Variants in PTPRA observed in about 807,000 individuals in gnomAD.
The protein encoded by PTPRA is protein tyrosine phosphatase receptor type A.
PTPRA carries 25 observed loss-of-function variants against 104.8 expected under a neutral mutation model. That is an observed-to-expected ratio of 0.24 (90% CI 0.17 to 0.33). PTPRA has a LOEUF of 0.33. Ranked by LOEUF, PTPRA falls within the 10% of genes least tolerant of loss-of-function variation. The pLI is 1.00. For missense variants in PTPRA, 765 were observed against 1,015.3 expected, an observed-to-expected ratio of 0.75 and a Z score of 3.35; for synonymous variants, 323 against 368.9, an observed-to-expected ratio of 0.88 and a Z score of 1.43.
chr20:2,955,734 A>T (rs1435092863), intron 3 of PTPRA: 1 of 894,746 alleles, frequency 1.1e-6, no homozygotes, highest in African/African-American at 1.8e-5. Context: ...GCACCCACCT[A>T]CTCCTGCCTA....
chr20:2,865,357 C>T, the PTPRA span: 1 of 1,613,934 alleles, frequency 6.2e-7, no homozygotes, highest in Non-Finnish European at 8.5e-7. This position sits in a 1 kb window ranked among gnomAD's most constrained non-coding sequence, Gnocchi z 5.2. Flanking sequence ...CCCAGGACCA[C>T]CTGCCTCTCC....
At chr20:3,027,434 C>T (rs1568707031) in intron 19 of PTPRA, among the ~76,000 whole-genome samples, 1 of 152,220 alleles carries the variant, frequency 6.6e-6, no homozygotes, top group Non-Finnish European at 1.5e-5. Context: ...AAAAAGTTCA[C>T]AGAGCAGACC....
intron 11 of PTPRA, among the ~76,000 whole-genome samples, chr20:3,009,209 C>T (rs2064035585): frequency 1.3e-5 from 2 of 151,432 alleles, no homozygotes; most frequent in African/African-American, 4.9e-5. Context: ...GAAAAGGATA[C>T]CAAAGAGAGA....
intron 1 of PTPRA, among the ~76,000 whole-genome samples, chr20:2,913,050 C>T (rs1378070551): frequency 6.6e-6 from 1 of 151,726 alleles, no homozygotes; most frequent in Non-Finnish European, 1.5e-5. Flanking sequence ...GAGAGTGAGC[C>T]CCATCAGCCC....
intron 9 of PTPRA, among the ~76,000 whole-genome samples, chr20:3,001,767 G>A (rs1292813260): frequency 6.6e-6 from 1 of 152,126 alleles, no homozygotes; most frequent in African/African-American, 2.4e-5. Flanking sequence ...AAAATAACAT[G>A]CAGAACCTCC....
intron 3 of PTPRA, among the ~76,000 whole-genome samples, chr20:2,963,787 A>T (rs972416940): frequency 5.9e-5 from 9 of 152,154 alleles, no homozygotes; most frequent in Non-Finnish European, 1.2e-4. Context: ...ACCTGTAATC[A>T]TAGCACTTTG....
chr20:2,866,750 A>T, the PTPRA span: 31 of 959,416 alleles, frequency 3.2e-5, 1 homozygote, highest in Non-Finnish European at 4.5e-5. Context: ...TGTCTTACAC[A>T]GTCCAGCCTA....
At chr20:3,031,428 C>T (rs759135640) in intron 20 of PTPRA, among the ~76,000 whole-genome samples, 6 of 152,028 alleles carry the variant, frequency 3.9e-5, no homozygotes, top group Non-Finnish European at 7.4e-5. Context: ...GTCCCTCACC[C>T]ACTGATGACT....
In PTPRA at chr20:3,026,744, A is replaced by G; in HGVS notation, c.1672A>G (p.Asn558Asp). The G allele has an allele frequency of 1.2e-6, 2 of 1,613,396 alleles. No individual in the cohort carries two copies. Among genetic ancestry groups the G allele is most frequent in the Non-Finnish European group, 1.7e-6 (2 of 1,179,310 alleles). ...DKMRTGNLPA[N>D]MKKNRVLQII... ...GATGCGGACTGGAAACCTTCCAGCC[A>G]ACATGAAGAAGAACCGTGTTTTACA... Residue 558 changes from asparagine to aspartate, a missense_variant, in exon 18 of 24, where the codon AAC (asparagine) becomes GAC (aspartate). Physicochemically the swap from Asn to Asp is conservative, Grantham distance 23. This residue lies in a region of PTPRA where 192 missense variants were observed against 227.0 expected (regional missense o/e 0.85). Coordinates refer to ENST00000399903, the MANE Select transcript of PTPRA (RefSeq NM_001385305.1).
intron 9 of PTPRA, among the ~76,000 whole-genome samples, chr20:2,989,206 G>A (rs567240131): frequency 7.2e-5 from 11 of 152,266 alleles, no homozygotes; most frequent in Admixed American, 4.6e-4. Context: ...AGGCTGAGGC[G>A]GGCACATCAC....
intron 11 of PTPRA, among the ~76,000 whole-genome samples, chr20:3,015,569 G>A (rs2064400785): frequency 6.6e-6 from 1 of 152,098 alleles, no homozygotes; most frequent in Admixed American, 6.5e-5. Flanking sequence ...GCCTCTCAAA[G>A]TTCTGGGATT....
chr20:3,038,049 C>T lies in PTPRA; in HGVS notation c.2335-10C>T. 1 of 1,604,966 alleles carries T rather than the reference C, an allele frequency of 6.2e-7. No individual in the cohort carries two copies. The highest frequency in any genetic ancestry group is 8.5e-7 in the Non-Finnish European group (1 of 1,172,342). On this transcript the variant is annotated splice_polypyrimidine_tract_variant and intron_variant, in intron 23 of 23. Coordinates refer to ENST00000399903, the MANE Select transcript of PTPRA (RefSeq NM_001385305.1). ...TAACCCTGACTTTTTCCCTACCTTT[C>T]ACTCTCCAGGAACAGTATGAGTTCT...
chr20:2,882,062 C>T (rs2090083853), intron 1 of PTPRA, among the ~76,000 whole-genome samples: 1 of 152,084 alleles, frequency 6.6e-6, no homozygotes, highest in South Asian at 2.1e-4. Context: ...GCCCCACCCC[C>T]AAAAGGCCCA....
chr20:3,019,488 A>G (rs1269777846), intron 13 of PTPRA, among the ~76,000 whole-genome samples: 2 of 149,870 alleles, frequency 1.3e-5, no homozygotes, highest in Admixed American at 6.6e-5. Flanking sequence ...GCGGCAGGGC[A>G]GAGGTGCTCC....
intron 2 of PTPRA, among the ~76,000 whole-genome samples, chr20:2,945,825 A>G (rs1315257272): frequency 6.6e-6 from 1 of 151,756 alleles, no homozygotes; most frequent in African/African-American, 2.4e-5. Context: ...GCTACTCGAG[A>G]GGCTGCGGCA....
At chr20:2,889,827 TAA>T (rs1405913482) in intron 1 of PTPRA, among the ~76,000 whole-genome samples, 1 of 152,124 alleles carries the variant, frequency 6.6e-6, no homozygotes, top group Non-Finnish European at 1.5e-5. Flanking sequence ...TTCCTTATGT[TAA>T]GAGTCCTGAA....
chr20:2,935,697 A>T (rs528257799), intron 2 of PTPRA, among the ~76,000 whole-genome samples: 3 of 152,274 alleles, frequency 2.0e-5, no homozygotes, highest in African/African-American at 4.8e-5. Flanking sequence ...GGCACATGCC[A>T]CTATAGTCAG....
rs11473273 is a variant in PTPRA at position 2,969,995 on chromosome 20, A to AATAAATAAATAG, written c.415+4793_415+4794insATAAATAAATAG. ...TAAATAAATAATAAATAAATAAATA[A>AATAAATAAATAG]CTCCTTTTACAAAAGCATATATATT... On this transcript the variant is annotated intron_variant, in intron 5 of 23. Transcript: ENST00000399903. Among the ~76,000 whole-genome samples, 8 of 150,090 alleles carry AATAAATAAATAG rather than the reference A, an allele frequency of 5.3e-5. No individual in the cohort carries two copies. The South Asian group carries it at 1.3e-3, about 24-fold the overall frequency.
chr20:2,889,966 C>G (rs1404306953), intron 1 of PTPRA, among the ~76,000 whole-genome samples: 2 of 152,082 alleles, frequency 1.3e-5, no homozygotes, highest in African/African-American at 4.8e-5. Context: ...TCACTGCAGC[C>G]TTGACCTCCT....
Sources: gnomAD v4.1 joint callset for allele counts (sites outside exome capture counted in the v4.1 genomes callset) on GRCh38, gnomAD v4.1.1 for gene constraint, gnomAD v4.1.1 regional missense constraint, Gnocchi (gnomAD v3.1) non-coding constraint, MANE v1.5 for transcripts, NCBI Gene and HGNC (gene_info 2026-07-23, HGNC 2026-07-21) for gene names.